Variants in GABBR2 observed in about 807,000 individuals in gnomAD.
GABBR2 encodes the protein gamma-aminobutyric acid type B receptor subunit 2, also known as G-protein coupled receptor 51.
Under a neutral mutation model 105.6 loss-of-function variants are expected in GABBR2, and 23 were observed. The ratio of observed to expected loss-of-function variants is 0.22; its 90% CI spans 0.16 to 0.31. The LOEUF is 0.31. Ranked by LOEUF, GABBR2 falls within the 10% of genes least tolerant of loss-of-function variation. GABBR2 has a pLI of 1.00. For missense variants in GABBR2, 734 were observed against 1,245.5 expected, an observed-to-expected ratio of 0.59 and a Z score of 6.18; for synonymous variants, 478 against 499.7, an observed-to-expected ratio of 0.96 and a Z score of 0.58.
chr9:98,369,253 C>T (rs1162341777), intron 12 of GABBR2, among the ~76,000 whole-genome samples: 2 of 152,292 alleles, frequency 1.3e-5, no homozygotes, highest in East Asian at 3.9e-4. Flanking sequence ...CAGAGCAGGG[C>T]CCCTTCCCCA....
chr9:98,474,575 T>G (rs938744871), intron 5 of GABBR2, among the ~76,000 whole-genome samples: 1 of 152,092 alleles, frequency 6.6e-6, no homozygotes, highest in African/African-American at 2.4e-5. Context: ...CCTTAAACAA[T>G]CCTTCCGTTC....
chr9:98,662,640 C>A (rs1194673984), intron 1 of GABBR2, among the ~76,000 whole-genome samples: 1 of 152,108 alleles, frequency 6.6e-6, no homozygotes, highest in African/African-American at 2.4e-5. Flanking sequence ...GAGAACAGGG[C>A]CTGAGACTTG....
chr9:98,313,448 C>T (rs1443393990), intron 13 of GABBR2, among the ~76,000 whole-genome samples: 1 of 152,150 alleles, frequency 6.6e-6, no homozygotes, highest in Admixed American at 6.5e-5. Context: ...CTTGCCTTCC[C>T]CATTCCATAT....
At chr9:98,663,692 C>A (rs187772919) in intron 1 of GABBR2, among the ~76,000 whole-genome samples, 10 of 151,990 alleles carry the variant, frequency 6.6e-5, no homozygotes, top group African/African-American at 2.4e-4. Flanking sequence ...ATCCCTTGCC[C>A]AGTTTATGGA....
chr9:98,375,630 G>A (rs1564037827), intron 11 of GABBR2, among the ~76,000 whole-genome samples: 1 of 152,208 alleles, frequency 6.6e-6, no homozygotes. Flanking sequence ...GAGAACTGGA[G>A]CATTTGATAG....
chr9:98,424,789 C>A (rs903345085), intron 7 of GABBR2, among the ~76,000 whole-genome samples: 3 of 152,240 alleles, frequency 2.0e-5, no homozygotes, highest in Admixed American at 2.0e-4. Context: ...CGTGAAGGAC[C>A]TCTTCAAGGC....
chr9:98,356,789 C>G (rs900635149), intron 13 of GABBR2, among the ~76,000 whole-genome samples: 1 of 152,060 alleles, frequency 6.6e-6, no homozygotes, highest in Admixed American at 6.5e-5. Context: ...AATGAATAAA[C>G]AATCTGTGGT....
chr9:98,601,456 G>C (rs938398833), intron 1 of GABBR2, among the ~76,000 whole-genome samples: 1 of 152,196 alleles, frequency 6.6e-6, no homozygotes, highest in Non-Finnish European at 1.5e-5. Flanking sequence ...GTTGGAGCCT[G>C]CAGTAAGCTA....
chr9:98,701,686 G>A (rs138910062), intron 1 of GABBR2, among the ~76,000 whole-genome samples: 47 of 152,206 alleles, frequency 3.1e-4, no homozygotes, highest in South Asian at 1.5e-3. Flanking sequence ...GGGAGAAAGT[G>A]ACAAACAACT....
At chr9:98,443,925 A>G (rs1230426537) in intron 7 of GABBR2, among the ~76,000 whole-genome samples, 1 of 151,780 alleles carries the variant, frequency 6.6e-6, no homozygotes, top group Non-Finnish European at 1.5e-5. Flanking sequence ...ACATCTTACT[A>G]CTCCTACCTG....
chr9:98,582,868 C>T (rs7865661), intron 1 of GABBR2, among the ~76,000 whole-genome samples: 60 of 152,256 alleles, frequency 3.9e-4, no homozygotes, highest in African/African-American at 1.4e-3. Context: ...CTAGGCATTG[C>T]TAATCTAGCC....
intron 3 of GABBR2, among the ~76,000 whole-genome samples, chr9:98,518,451 G>A (rs183255426): frequency 1.3e-3 from 194 of 152,168 alleles, no homozygotes; most frequent in African/African-American, 4.2e-3. Context: ...CTTAAGTTTC[G>A]GACTTCAGCC....
At chr9:98,654,654 G>T (rs1026786176) in intron 1 of GABBR2, among the ~76,000 whole-genome samples, 3 of 152,206 alleles carry the variant, frequency 2.0e-5, no homozygotes, top group South Asian at 2.1e-4. Flanking sequence ...AATTCAGAAG[G>T]CCTAGACAAG....
chr9:98,299,296 T>C lies in GABBR2; in HGVS notation c.2470A>G (p.Thr824Ala). ...MQLQDTPEKT[T>A]YIKQNHYQEL... ...TGGTAGTGGTTCTGTTTAATGTAGG[T>C]GGTCTTTTCTGGTGTGTCCTGCAGC... The change falls in exon 17 of 19, where the codon ACC becomes GCC. Residue 824 changes from threonine to alanine, a missense_variant. This residue lies in a region of GABBR2 where 134 missense variants were observed against 171.2 expected (regional missense o/e 0.78). Coordinates refer to ENST00000259455, the MANE Select transcript of GABBR2 (RefSeq NM_005458.8). The C allele has an allele frequency of 1.2e-6, 2 of 1,613,736 alleles. No individual in the cohort carries two copies. The highest frequency in any genetic ancestry group is 1.7e-6 in the Non-Finnish European group (2 of 1,179,696).
At chr9:98,655,125 CTAT>C (rs1438797360) in intron 1 of GABBR2, among the ~76,000 whole-genome samples, 2 of 152,098 alleles carry the variant, frequency 1.3e-5, no homozygotes, top group Non-Finnish European at 2.9e-5. Flanking sequence ...GGCCGTGAAG[CTAT>C]TCTATGTAAT....
At position 98,342,207 on chromosome 9, in the gene GABBR2, T is replaced by A. The variant is rs572142477; in HGVS notation, c.1893+20508A>T. Among the ~76,000 whole-genome samples the A allele has an allele frequency of 1.8e-4, 28 of 151,912 alleles. No individual in the cohort carries two copies. The South Asian group carries it at 5.8e-3, about 32-fold the overall frequency. On this transcript the variant is annotated intron_variant, in intron 13 of 18. Coordinates refer to ENST00000259455, the MANE Select transcript of GABBR2 (RefSeq NM_005458.8). ...GGAGGAGATGCTTCTAAGCTGCCTC[T>A]CAAAGGTCAAGCAGGGATTTTACAT...
chr9:98,607,067 AG>A, intron 1 of GABBR2: 1 of 1,467,106 alleles, frequency 6.8e-7, no homozygotes, highest in Non-Finnish European at 9.5e-7. Flanking sequence ...ACAGAAAATC[AG>A]TTAAGAGATC....
intron 13 of GABBR2, among the ~76,000 whole-genome samples, chr9:98,353,796 T>C (rs1831440831): frequency 1.6e-5 from 1 of 62,656 alleles, no homozygotes; most frequent in African/African-American, 7.7e-5. Flanking sequence ...TGGAGGTAAT[T>C]GGATCATGGT....
In GABBR2 at chr9:98,362,699, G is replaced by A. The variant is rs1019279701; in HGVS notation, c.1893+16C>T. The A allele has an allele frequency of 1.4e-5, 20 of 1,479,908 alleles. No homozygotes were observed. The highest frequency in any genetic ancestry group is 4.2e-5 in the African/African-American group (3 of 70,756). The allele number at this position is 1,479,908 out of a possible 1,614,324, so 91.7% of individuals were successfully genotyped here. On this transcript the variant is annotated intron_variant, in intron 13 of 18. Transcript: ENST00000259455. ...TGCATCTGCAGGCTTCCCTCCTGCC[G>A]GCATGGAGGGCTTACCTCCATGCTG...
Sources: allele counts gnomAD v4.1 joint callset (sites outside exome capture counted in the v4.1 genomes callset), GRCh38; gene constraint gnomAD v4.1.1; regional missense constraint gnomAD v4.1.1; transcripts MANE v1.5; gene names NCBI Gene and HGNC (gene_info 2026-07-23, HGNC 2026-07-21).